The following ADGRG6 variants were observed in gnomAD, a reference collection of about 807,000 sequenced individuals.
ADGRG6 encodes the protein adhesion G protein-coupled receptor G6.
Under a neutral mutation model 142.4 loss-of-function variants are expected in ADGRG6, and 84 were observed. The ratio of observed to expected loss-of-function variants is 0.59; its 90% CI spans 0.49 to 0.71. The LOEUF (loss-of-function observed/expected upper bound fraction) is 0.71. Ranked by LOEUF, ADGRG6 falls within the 30% of genes least tolerant of loss-of-function variation. The pLI, the probability that ADGRG6 is intolerant of heterozygous loss-of-function variation, is 0.00. For synonymous variants in ADGRG6, 521 were observed against 520.5 expected (o/e 1.00, Z -0.01); for missense variants, 1,367 against 1,466.6 (o/e 0.93, Z 1.11).
rs1267526900 is a variant in ADGRG6 at position 142,444,362 on chromosome 6, G to A, written c.*847G>A. ...AAGCCCATAGGCTTGTGGGAGGAAG[G>A]AGAATTTCCATTAGGCAAGCTGTAT... On this transcript the variant is annotated 3_prime_UTR_variant, in exon 25 of 25. Coordinates refer to ENST00000367609, the MANE Select transcript of ADGRG6 (RefSeq NM_198569.3). 6.6e-6 allele frequency: 1 copy of A among 152,160 alleles called. No homozygotes were observed. Among genetic ancestry groups the A allele is most frequent in the Non-Finnish European group, 1.5e-5 (1 of 68,026 alleles). The allele number at this position is 152,160 out of a possible 1,614,324, so 9.4% of individuals were successfully genotyped here. A position where few individuals can be genotyped will look rare whatever the true frequency, so the allele number is the denominator to read the frequency against.
At chr6:142,393,687 A>C (rs551466802) in intron 8 of ADGRG6, among the ~76,000 whole-genome samples, 16 of 152,288 alleles carry the variant, frequency 1.1e-4, no homozygotes, top group African/African-American at 3.4e-4. Context: ...CAGTTTCTTT[A>C]GTGTAATAAT....
intron 4 of ADGRG6, among the ~76,000 whole-genome samples, chr6:142,374,784 TTTAA>T (rs1372020152): frequency 1.3e-5 from 2 of 152,250 alleles, no homozygotes; most frequent in African/African-American, 2.4e-5. Flanking sequence ...TTTAAATTAT[TTTAA>T]TTGATTGATA....
Position 142,315,035 on chromosome 6 carries a change from G to C in ADGRG6, c.103+5391G>C, listed in dbSNP as rs187065510. On this transcript the variant is annotated intron_variant, in intron 2 of 24. Coordinates refer to ENST00000367609, the MANE Select transcript of ADGRG6 (RefSeq NM_198569.3). Reference sequence around the variant, plus strand: ...CAGTCTATTTTGTTTTGTGCACATAGTTTTAATTGTTTTACCTGTAAAGTT... The same window carrying C: ...CAGTCTATTTTGTTTTGTGCACATACTTTTAATTGTTTTACCTGTAAAGTT... Among the ~76,000 whole-genome samples the C allele has an allele frequency of 3.3e-5, 5 of 149,722 alleles. No individual in the cohort carries two copies. In the East Asian group the frequency reaches 9.9e-4, roughly 30 times the overall value.
At chr6:142,417,208 T>A (rs746036799) in intron 20 of ADGRG6, 65 bp from the exon 21 acceptor site, 1 of 809,622 alleles carries the variant, frequency 1.2e-6, no homozygotes, top group Non-Finnish European at 2.2e-6. Flanking sequence ...TACATTTCAT[T>A]AGCAGTCTTA....
rs1179007525 is a variant in ADGRG6 at position 142,444,069 on chromosome 6, G to A, written c.*554G>A. 2.6e-5 allele frequency: 4 copies of A among 152,104 alleles called. No homozygotes were observed. The East Asian group carries it at 5.8e-4, about 22-fold the overall frequency. The allele number at this position is 152,104 out of a possible 1,614,324, so 9.4% of individuals were successfully genotyped here. A position where few individuals can be genotyped will look rare whatever the true frequency, so the allele number is the denominator to read the frequency against. On this transcript the variant is annotated 3_prime_UTR_variant, in exon 25 of 25. Coordinates refer to ENST00000367609, the MANE Select transcript of ADGRG6 (RefSeq NM_198569.3). The stretch of plus-strand genomic sequence containing the variant: ...ACTCCTTGACCCAAAGATTAAAAAG[G>A]ATTTTTTATTATTTTAAATATTACA...
chr6:142,410,433 ACAAT>A (rs934929236), intron 17 of ADGRG6, among the ~76,000 whole-genome samples: 18 of 152,242 alleles, frequency 1.2e-4, no homozygotes, highest in African/African-American at 3.8e-4. Context: ...ATTAGATTTG[ACAAT>A]CAAGAAAGGA....
rs563627299 is a variant in ADGRG6 at position 142,444,078 on chromosome 6, T to C, written c.*563T>C. On this transcript the variant is annotated 3_prime_UTR_variant, in exon 25 of 25. Coordinates refer to ENST00000367609, the MANE Select transcript of ADGRG6 (RefSeq NM_198569.3). ...CCCAAAGATTAAAAAGGATTTTTTATTATTTTAAATATTACACCTTCAGAA... is the reference window on the plus strand; with the variant it reads ...CCCAAAGATTAAAAAGGATTTTTTACTATTTTAAATATTACACCTTCAGAA... The C allele has an allele frequency of 6.6e-6, 1 of 152,336 alleles. No homozygotes were observed. The highest frequency in any genetic ancestry group is 2.4e-5 in the African/African-American group (1 of 41,590). The allele number at this position is 152,336 out of a possible 1,614,324, so 9.4% of individuals were successfully genotyped here. A position where few individuals can be genotyped will look rare whatever the true frequency, so the allele number is the denominator to read the frequency against.
At position 142,361,821 on chromosome 6, in the gene ADGRG6, T is replaced by TA. The variant is rs1052505568; in HGVS notation, c.104-5745dup. On this transcript the variant is annotated intron_variant, in intron 2 of 24. Coordinates refer to ENST00000367609, the MANE Select transcript of ADGRG6 (RefSeq NM_198569.3). ...TGCCTTTAGATTGTTTTTTTTTTTT[T>TA]AAAGCTGGAAAAGCCTCAACCATTG... is the stretch of plus-strand genomic sequence containing the variant. Among the ~76,000 whole-genome samples, 7 of 151,080 alleles carry TA rather than the reference T, an allele frequency of 4.6e-5. No individual in the cohort carries two copies. In the East Asian group the frequency reaches 5.8e-4, roughly 13 times the overall value.
intron 2 of ADGRG6, among the ~76,000 whole-genome samples, chr6:142,317,952 A>ATTATATATTTATATATTATATATAT (rs1778216677): frequency 1.5e-5 from 1 of 68,360 alleles, no homozygotes; most frequent in Non-Finnish European, 2.5e-5. Flanking sequence ...ATATATTTAT[A>ATTATATATTTATATATTATATATAT]TTATATATTT....
At chr6:142,352,377 A>G (rs1270937369) in intron 2 of ADGRG6, among the ~76,000 whole-genome samples, 2 of 152,196 alleles carry the variant, frequency 1.3e-5, no homozygotes, top group Non-Finnish European at 2.9e-5. Flanking sequence ...CAAACCAAAA[A>G]TAGCACATGT....
chr6:142,375,082 G>A (rs1221108775), intron 4 of ADGRG6, among the ~76,000 whole-genome samples: 5 of 152,014 alleles, frequency 3.3e-5, no homozygotes, highest in African/African-American at 9.7e-5. Context: ...ATCCACCCCT[G>A]TGCCCCTGGA....
At chr6:142,338,500 A>G (rs1202191911) in intron 2 of ADGRG6, among the ~76,000 whole-genome samples, 2 of 150,526 alleles carry the variant, frequency 1.3e-5, no homozygotes, top group Non-Finnish European at 3.0e-5. Flanking sequence ...AATTATATTT[A>G]TTACATATAA....
chr6:142,384,798 A>C (rs190160587), intron 6 of ADGRG6, among the ~76,000 whole-genome samples: 1 of 152,150 alleles, frequency 6.6e-6, no homozygotes, highest in African/African-American at 2.4e-5. Flanking sequence ...CAGAGGTTAC[A>C]TCAATTTCCT....
intron 2 of ADGRG6, among the ~76,000 whole-genome samples, chr6:142,319,096 T>C (rs1043696009): frequency 8.5e-5 from 13 of 152,176 alleles, no homozygotes; most frequent in Non-Finnish European, 1.5e-4. Context: ...GATTTTTCTC[T>C]GTCATACTGT....
intron 22 of ADGRG6, among the ~76,000 whole-genome samples, chr6:142,430,064 GAAAAAC>G (rs566312295): frequency 1.2e-3 from 179 of 151,950 alleles, no homozygotes; most frequent in African/African-American, 3.9e-3. Flanking sequence ...GGAAAAAAAA[GAAAAAC>G]AAAAACAAAA....
chr6:142,334,793 AT>A (rs778383839), intron 2 of ADGRG6, among the ~76,000 whole-genome samples: 3 of 152,202 alleles, frequency 2.0e-5, no homozygotes, highest in Non-Finnish European at 2.9e-5. Context: ...TTTCATAAGT[AT>A]CTTTTAATAA....
At chr6:142,320,951 G>A (rs957253293) in intron 2 of ADGRG6, among the ~76,000 whole-genome samples, 6 of 151,818 alleles carry the variant, frequency 4.0e-5, no homozygotes, top group African/African-American at 1.5e-4. Context: ...ACCAGTAGGT[G>A]CATATGTGTA....
At chr6:142,388,997 C>T (rs528041378) in intron 6 of ADGRG6, among the ~76,000 whole-genome samples, 1 of 152,020 alleles carries the variant, frequency 6.6e-6, no homozygotes, top group East Asian at 1.9e-4. Context: ...TCATTCAGAA[C>T]ATTTTTTAAA....
In ADGRG6 at chr6:142,411,394, C is replaced by T; in HGVS notation, c.2524C>T (p.His842Tyr). The T allele has an allele frequency of 6.3e-7, 1 of 1,578,218 alleles. No homozygotes were observed. Among genetic ancestry groups the T allele is most frequent in the Non-Finnish European group, 8.7e-7 (1 of 1,147,430 alleles). Reference sequence around the variant, plus strand: ...AGTCTGCCTGTGTAACCACTTCACACACTTTGGAGTTCTGATGGTAAGGGG... The same window carrying T: ...AGTCTGCCTGTGTAACCACTTCACATACTTTGGAGTTCTGATGGTAAGGGG... Reference protein sequence around the residue: ...ETVCLCNHFTHFGVLMDLPRS... With the variant: ...ETVCLCNHFTYFGVLMDLPRS... The change falls in exon 18 of 25, where the codon CAC becomes TAC. Residue 842 changes from histidine to tyrosine, a missense_variant. Coordinates refer to ENST00000367609, the MANE Select transcript of ADGRG6 (RefSeq NM_198569.3).
Sources: gnomAD v4.1 joint callset for allele counts (sites outside exome capture counted in the v4.1 genomes callset) on GRCh38, gnomAD v4.1.1 for gene constraint, MANE v1.5 for transcripts, NCBI Gene and HGNC (gene_info 2026-07-23, HGNC 2026-07-21) for gene names.